The following GPD2 variants were observed in gnomAD, a reference collection of about 807,000 sequenced individuals.
GPD2 encodes glycerol-3-phosphate dehydrogenase 2.
A neutral mutation model predicts 82.4 loss-of-function variants in GPD2; 54 were observed. The ratio of observed to expected loss-of-function variants is 0.66; its 90% CI spans 0.53 to 0.82. GPD2 has a LOEUF of 0.82. Among genes scored for constraint, GPD2 ranks in the 40% least tolerant of loss-of-function variants. The pLI is 0.00. For missense variants in GPD2, 748 were observed against 896.2 expected (o/e 0.83, Z 2.11); for synonymous variants, 288 against 306.1 (o/e 0.94, Z 0.62).
chr2:156,497,389 A>G (rs1684424596), intron 3 of GPD2, among the ~76,000 whole-genome samples: 1 of 152,200 alleles, frequency 6.6e-6, no homozygotes, highest in Non-Finnish European at 1.5e-5. Flanking sequence ...ATTGTCTTGG[A>G]GAAGGACTCC....
intron 16 of GPD2, among the ~76,000 whole-genome samples, chr2:156,581,286 T>A (rs1467890089): frequency 6.6e-6 from 1 of 152,146 alleles, no homozygotes; most frequent in Non-Finnish European, 1.5e-5. Flanking sequence ...ATATTCCTCA[T>A]GAAATATATT....
At chr2:156,537,399 A>T (rs1367101878) in intron 6 of GPD2, among the ~76,000 whole-genome samples, 2 of 152,148 alleles carry the variant, frequency 1.3e-5, no homozygotes, top group African/African-American at 4.8e-5. Flanking sequence ...AATTGCTGGG[A>T]GTCTGGGCAA....
At position 156,467,726 on chromosome 2, in the gene GPD2, A is replaced by G. The variant is rs559859579; in HGVS notation, c.-8-8372A>G. On this transcript the variant is annotated intron_variant, in intron 1 of 16. Coordinates refer to ENST00000438166, the MANE Select transcript of GPD2 (RefSeq NM_000408.5). ...TTGGCCTAAATCCTTTTTAAAAGCA[A>G]CAACAACAAAAGAGGAGAATTCACC... 2.6e-5 allele frequency among the ~76,000 whole-genome samples: 4 copies of G among 152,344 alleles called. No homozygotes were observed. The South Asian group carries it at 8.3e-4, about 32-fold the overall frequency.
chr2:156,401,056 A>G, the GPD2 span, among the ~76,000 whole-genome samples: 1 of 152,114 alleles, frequency 6.6e-6, no homozygotes, highest in Non-Finnish European at 1.5e-5. Flanking sequence ...ATACTTCTTT[A>G]TTTGCATGAG....
chr2:156,550,807 G>C, intron 8 of GPD2, 61 bp downstream of exon 8: 1 of 1,385,336 alleles, frequency 7.2e-7, no homozygotes, highest in Non-Finnish European at 1.0e-6. Flanking sequence ...AGATTGTCTG[G>C]TTTATTTCTT....
chr2:156,441,962 C>T (rs922498680), intron 1 of GPD2, among the ~76,000 whole-genome samples: 12 of 152,090 alleles, frequency 7.9e-5, no homozygotes, highest in South Asian at 4.1e-4. Context: ...ATTATTCAGG[C>T]AAAATGAAAG....
Position 156,541,824 on chromosome 2 carries a change from G to GTTTTTT in GPD2, c.662-7767_662-7762dup, listed in dbSNP as rs61067726. On this transcript the variant is annotated intron_variant, in intron 6 of 16. Coordinates refer to ENST00000438166, the MANE Select transcript of GPD2 (RefSeq NM_000408.5). ...TCCTTAAACGTATAAAATGCTGTTT[G>GTTTTTT]TTTTTTTTTTTTTTTTTTTTTTGGC... 6.8e-3 allele frequency among the ~76,000 whole-genome samples: 552 copies of GTTTTTT among 81,408 alleles called. 50 individuals carry two copies. Among genetic ancestry groups the GTTTTTT allele is most frequent in the East Asian group, 0.013 (31 of 2,432 alleles). The allele number at this position is 81,408 out of a possible 152,430, so 53.4% of individuals were successfully genotyped here. A position where few individuals can be genotyped will look rare whatever the true frequency, so the allele number is the denominator to read the frequency against.
At chr2:156,483,596 A>G (rs1306867838) in intron 2 of GPD2, among the ~76,000 whole-genome samples, 2 of 152,256 alleles carry the variant, frequency 1.3e-5, no homozygotes, top group African/African-American at 4.8e-5. Flanking sequence ...GACTAAACAG[A>G]TAAACTGGTA....
At chr2:156,473,568 A>G (rs1193827711) in intron 1 of GPD2, 2 of 152,244 alleles carry the variant, frequency 1.3e-5, no homozygotes, top group African/African-American at 4.8e-5. Flanking sequence ...ATGATAAGTC[A>G]ATCAGTCACA....
chr2:156,537,240 G>T (rs1686117443), intron 6 of GPD2, among the ~76,000 whole-genome samples: 1 of 152,204 alleles, frequency 6.6e-6, no homozygotes, highest in Non-Finnish European at 1.5e-5. Context: ...ATTGACTTAG[G>T]ATTGACTCAG....
At chr2:156,549,586 C>T in intron 6 of GPD2, 22 bp from the exon 7 acceptor site, 2 of 1,612,458 alleles carry the variant, frequency 1.2e-6, no homozygotes, top group Non-Finnish European at 8.5e-7. Context: ...CTCTCCCTCC[C>T]CTGATGCTTT....
chr2:156,566,812 T>C (rs975776772), intron 9 of GPD2, among the ~76,000 whole-genome samples: 1 of 152,146 alleles, frequency 6.6e-6, no homozygotes, highest in African/African-American at 2.4e-5. Context: ...CATTTTACCT[T>C]CTAACCAGCA....
the GPD2 span, among the ~76,000 whole-genome samples, chr2:156,414,284 G>T: frequency 6.6e-6 from 1 of 152,160 alleles, no homozygotes; most frequent in African/African-American, 2.4e-5. Flanking sequence ...GCAGAGTATT[G>T]TTGTTGAACA....
At chr2:156,567,452 G>A (rs1687433754) in intron 9 of GPD2, among the ~76,000 whole-genome samples, 1 of 152,050 alleles carries the variant, frequency 6.6e-6, no homozygotes, top group African/African-American at 2.4e-5. Flanking sequence ...AAGTTTTCAA[G>A]ACTATATACA....
At chr2:156,448,116 T>TC (rs1682431435) in intron 1 of GPD2, among the ~76,000 whole-genome samples, 1 of 140,000 alleles carries the variant, frequency 7.1e-6, no homozygotes, top group Admixed American at 7.2e-5. Context: ...TCAGCAATTT[T>TC]CCCTTTTTTT....
Position 156,579,134 on chromosome 2 carries a change from T to C in GPD2, c.1929T>C (p.Ile643=). 1 of 1,606,942 alleles carries C rather than the reference T, an allele frequency of 6.2e-7. No individual in the cohort carries two copies. Among genetic ancestry groups the C allele is most frequent in the South Asian group, 1.1e-5 (1 of 90,920 alleles). The part of the protein sequence containing the change: ...HKFDADQKGF[I]TIVDVQRVLE... ...TTGATGCAGACCAGAAAGGCTTTAT[T>C]ACCATTGTTGATGTTCAGCGTGTAT... Residue 643 remains isoleucine, a synonymous_variant, in exon 15 of 17, where the codon ATT becomes ATC. Coordinates refer to ENST00000438166, the MANE Select transcript of GPD2 (RefSeq NM_000408.5).
At chr2:156,580,700 G>A (rs1223976117) in intron 16 of GPD2, among the ~76,000 whole-genome samples, 1 of 152,098 alleles carries the variant, frequency 6.6e-6, no homozygotes, top group Admixed American at 6.6e-5. Context: ...ACAAGATCAA[G>A]GCAAAGGAAA....
At chr2:156,510,982 A>G in intron 4 of GPD2, 62 bp downstream of exon 4, 1 of 1,502,662 alleles carries the variant, frequency 6.7e-7, no homozygotes, top group Non-Finnish European at 9.3e-7. Flanking sequence ...ACCCAATTAA[A>G]TCAGGTTTTT....
At chr2:156,475,410 C>T (rs1425233719) in intron 1 of GPD2, among the ~76,000 whole-genome samples, 2 of 152,090 alleles carry the variant, frequency 1.3e-5, no homozygotes, top group Non-Finnish European at 2.9e-5. Context: ...CTCACTGCAA[C>T]CTCTGCCTCC....
Sources: gnomAD v4.1 joint callset for allele counts (sites outside exome capture counted in the v4.1 genomes callset) on GRCh38, gnomAD v4.1.1 for gene constraint, MANE v1.5 for transcripts, NCBI Gene and HGNC (gene_info 2026-07-23, HGNC 2026-07-21) for gene names.